The following PIEZO1 variants were observed in gnomAD, a reference collection of about 807,000 sequenced individuals.
PIEZO1 encodes the protein piezo-type mechanosensitive ion channel component 1.
PIEZO1 carries 296 observed loss-of-function variants against 297.2 expected under a neutral mutation model. That is an observed-to-expected ratio of 1.00 (90% CI 0.91 to 1.10). PIEZO1 has a LOEUF of 1.10. PIEZO1 is among the 50% of genes least tolerant of loss of function. The probability of loss-of-function intolerance (pLI) is 0.00; values close to 1 mark genes in which losing one functional copy is unlikely to be tolerated. For synonymous variants in PIEZO1, 2,427 were observed against 1,507.5 expected (o/e 1.61, Z -14.13); for missense variants, 5,018 against 3,455.5 (o/e 1.45, Z -11.34).
At chr16:88,747,417 G>A (rs949919003) in intron 2 of PIEZO1, among the ~76,000 whole-genome samples, 4 of 152,094 alleles carry the variant, frequency 2.6e-5, no homozygotes, top group Admixed American at 6.5e-5. Flanking sequence ...TCGGGAGGCC[G>A]AGGCGGGAGA....
In PIEZO1 at chr16:88,727,098, G is replaced by T. The variant is rs761581510; in HGVS notation, c.3396C>A (p.Thr1132=). The T allele has an allele frequency of 4.5e-6, 7 of 1,549,764 alleles. No individual in the cohort carries two copies. In the African/African-American group the frequency reaches 6.8e-5, roughly 15 times the overall value. The change falls in exon 24 of 51, where the codon ACC becomes ACA. Residue 1132 remains threonine, a synonymous_variant. Coordinates refer to ENST00000301015, the MANE Select transcript of PIEZO1 (RefSeq NM_001142864.4). ...CCCCCCGCAGCGGCTCCAGGCGGTC[G>T]GTGTTGACGCCAGCCATGCGCTGCC... ...EEWQRMAGVN[T]DRLEPLRGEP... is the part of the protein sequence containing the mutation.
In PIEZO1 at chr16:88,715,531, T is replaced by A; in HGVS notation, c.*74A>T. The A allele has an allele frequency of 7.0e-7, 1 of 1,436,584 alleles. No individual in the cohort carries two copies. 89.0% of individuals were successfully genotyped at this position (1,436,584 alleles called of 1,614,324 possible). Reference sequence around the variant, plus strand: ...GGACGGGGCAGTGGCTCCCCCGGCCTGAGGAGTGCCGCCCCTTGTGGCCAC... The same window carrying A: ...GGACGGGGCAGTGGCTCCCCCGGCCAGAGGAGTGCCGCCCCTTGTGGCCAC... On this transcript the variant is annotated 3_prime_UTR_variant, in exon 51 of 51. Transcript: ENST00000301015.
intron 2 of PIEZO1, among the ~76,000 whole-genome samples, chr16:88,747,989 G>A (rs927703801): frequency 1.2e-4 from 18 of 152,180 alleles, no homozygotes; most frequent in African/African-American, 3.6e-4. Flanking sequence ...TGGACACCTC[G>A]TAGCCATGGA....
At position 88,723,223 on chromosome 16, in the gene PIEZO1, C is replaced by T. The variant is rs1479396726; in HGVS notation, c.4438+3G>A. On this transcript the variant is annotated splice_donor_region_variant and intron_variant, in intron 32 of 50. Transcript: ENST00000301015. ...CTCAGAGTCCCCACGCCCCCCAGCT[C>T]ACCTGTGGGTAGCTGTCCTGCCTGT... 2.6e-6 allele frequency: 4 copies of T among 1,548,034 alleles called. No homozygotes were observed. The highest frequency in any genetic ancestry group is 3.5e-6 in the Non-Finnish European group (4 of 1,146,816).
In PIEZO1 at chr16:88,742,282, G is replaced by GC; in HGVS notation, c.283+17dup. On this transcript the variant is annotated intron_variant, in intron 3 of 50. Transcript: ENST00000301015. The stretch of plus-strand genomic sequence containing the variant: ...CCCCCAGGATGGCTATCCCTACCCC[G>GC]CCCCCTCAGCGACTCACAGCTGGGT... 1 of 1,526,834 alleles carries GC rather than the reference G, an allele frequency of 6.5e-7. No individual in the cohort carries two copies. Among genetic ancestry groups the GC allele is most frequent in the Non-Finnish European group, 8.8e-7 (1 of 1,141,244 alleles). 94.6% of individuals were successfully genotyped at this position (1,526,834 alleles called of 1,614,324 possible).
chr16:88,780,374 G>C (rs189509901), intron 1 of PIEZO1, among the ~76,000 whole-genome samples: 62 of 149,050 alleles, frequency 4.2e-4, no homozygotes, highest in African/African-American at 1.5e-3. Context: ...GGCAGATACA[G>C]AGGATGTGGG....
chr16:88,780,487 T>G (rs1889950659), intron 1 of PIEZO1, among the ~76,000 whole-genome samples: 1 of 152,102 alleles, frequency 6.6e-6, no homozygotes. Context: ...GGGAACAGCT[T>G]GCCTTTCAGA....
chr16:88,741,379 C>G, intron 5 of PIEZO1, 99 bp downstream of exon 5: 1 of 1,151,866 alleles, frequency 8.7e-7, no homozygotes, highest in Non-Finnish European at 1.2e-6. Flanking sequence ...ACCAAAACGT[C>G]TACATCTGTT....
chr16:88,732,570 C>T (rs1367999290), intron 20 of PIEZO1, 35 bp from the exon 21 acceptor site: 5 of 1,543,004 alleles, frequency 3.2e-6, no homozygotes, highest in Non-Finnish European at 2.6e-6. Context: ...CAGCCGGGTA[C>T]TCGCCCGCCC....
At chr16:88,723,434 G>T in intron 31 of PIEZO1, 106 bp from the exon 32 acceptor site, 2 of 1,297,076 alleles carry the variant, frequency 1.5e-6, no homozygotes, top group South Asian at 1.4e-5. Flanking sequence ...CCTGCTCTGT[G>T]TCTCCCAGGG....
At chr16:88,743,437 G>A (rs898593594) in intron 2 of PIEZO1, 1 of 437,474 alleles carries the variant, frequency 2.3e-6, no homozygotes, top group South Asian at 1.6e-5. Flanking sequence ...CCGGCCACGA[G>A]AAAGTGCAGA....
intron 1 of PIEZO1, among the ~76,000 whole-genome samples, chr16:88,774,414 CA>C (rs1907565404): frequency 6.6e-6 from 1 of 152,142 alleles, no homozygotes; most frequent in Non-Finnish European, 1.5e-5. Flanking sequence ...ATAAAAATAA[CA>C]ATATAAACTG....
chr16:88,722,078 C>A lies in PIEZO1; in HGVS notation c.4956-12G>T, dbSNP rs1415916531. 2 of 1,541,156 alleles carry A rather than the reference C, an allele frequency of 1.3e-6. No homozygotes were observed. Among genetic ancestry groups the A allele is most frequent in the African/African-American group, 1.4e-5 (1 of 72,972 alleles). On this transcript the variant is annotated splice_polypyrimidine_tract_variant and intron_variant, in intron 36 of 50. Transcript: ENST00000301015. Reference sequence around the variant, plus strand: ...GGATGCGCAGGCGCCTACAGGGAGACCCGCGTGTTTGGGGGAGTCTGGGAC... The same window carrying A: ...GGATGCGCAGGCGCCTACAGGGAGAACCGCGTGTTTGGGGGAGTCTGGGAC...
chr16:88,735,904 C>T (rs1177502660), intron 12 of PIEZO1, among the ~76,000 whole-genome samples: 2 of 152,102 alleles, frequency 1.3e-5, no homozygotes, highest in African/African-American at 2.4e-5. Flanking sequence ...ACAGAGCCCA[C>T]GCTCACACAG....
intron 1 of PIEZO1, among the ~76,000 whole-genome samples, chr16:88,756,584 A>G (rs1321788250): frequency 6.6e-6 from 1 of 151,906 alleles, no homozygotes; most frequent in Non-Finnish European, 1.5e-5. Context: ...CCTGGCCAAC[A>G]TGGTGAAACC....
In PIEZO1 at chr16:88,738,260, T is replaced by C. The variant is rs1370921130; in HGVS notation, c.815A>G (p.Gln272Arg). 1.3e-6 allele frequency: 2 copies of C among 1,535,868 alleles called. No homozygotes were observed. The highest frequency in any genetic ancestry group is 2.4e-5 in the East Asian group (1 of 40,918). The change falls in exon 7 of 51, where the codon CAG (glutamine) becomes CGG (arginine). Residue 272 changes from glutamine to arginine, a missense_variant. Gln to Arg is a conservative substitution (Grantham distance 43, BLOSUM62 1). Coordinates refer to ENST00000301015, the MANE Select transcript of PIEZO1 (RefSeq NM_001142864.4). ...CLYCYQMPLA[Q>R]ALLPPAGIWA... ...GATGCCGGCAGGCGGGAGCAGAGCC[T>C]GTGCCAAGGGCATCTGGTAGCAGTA... is the stretch of plus-strand genomic sequence containing the variant.
chr16:88,770,178 G>A (rs963397546), intron 1 of PIEZO1, among the ~76,000 whole-genome samples: 1 of 152,112 alleles, frequency 6.6e-6, no homozygotes, highest in South Asian at 2.1e-4. Flanking sequence ...GCCTCGGTCT[G>A]TCGGGACAGA....
At position 88,785,183 on chromosome 16, in the gene PIEZO1, G is replaced by A. The variant is rs192674267; in HGVS notation, c.-219C>T. On this transcript the variant is annotated 5_prime_UTR_variant, in exon 1 of 51. Coordinates refer to ENST00000301015, the MANE Select transcript of PIEZO1 (RefSeq NM_001142864.4). ...TGCCCCTCGGCGGAGCGCAGCGCTC[G>A]GCTCACTGGGGCCGAGCTGGGCCGG... The A allele has an allele frequency of 3.1e-3, 820 of 265,170 alleles. 7 individuals are homozygous for A. Among genetic ancestry groups the A allele is most frequent in the African/African-American group, 0.017 (772 of 44,394 alleles). The allele number at this position is 265,170 out of a possible 1,614,324, so 16.4% of individuals were successfully genotyped here.
chr16:88,764,053 C>T (rs1907054191), intron 1 of PIEZO1, among the ~76,000 whole-genome samples: 1 of 152,170 alleles, frequency 6.6e-6, no homozygotes, highest in African/African-American at 2.4e-5. Flanking sequence ...GCACCAGATG[C>T]TGAGCTGGGT....
Sources: allele counts gnomAD v4.1 joint callset (sites outside exome capture counted in the v4.1 genomes callset), GRCh38; gene constraint gnomAD v4.1.1; transcripts MANE v1.5; gene names NCBI Gene and HGNC (gene_info 2026-07-23, HGNC 2026-07-21).